Variants in CEP57 observed in about 807,000 individuals in gnomAD.
CEP57 encodes centrosomal protein of 57 kDa.
CEP57 carries 40 observed loss-of-function variants against 68.0 expected under a neutral mutation model. The ratio of observed to expected loss-of-function variants is 0.59; its 90% CI spans 0.46 to 0.77. The LOEUF (loss-of-function observed/expected upper bound fraction) is 0.77. CEP57 is among the 30% of genes least tolerant of loss of function. The pLI is 0.00. For synonymous variants in CEP57, 219 were observed against 198.7 expected (o/e 1.10, Z -0.86); for missense variants, 606 against 580.7 (o/e 1.04, Z -0.45).
chr11:95,802,017 C>A (rs902826842), intron 2 of CEP57, among the ~76,000 whole-genome samples: 5 of 152,036 alleles, frequency 3.3e-5, no homozygotes, highest in African/African-American at 1.2e-4. Context: ...AAATCACTAT[C>A]CCCTTCTCAC....
rs781248377 is a variant in CEP57, at chr11:95,827,975, G to T, written c.1075G>T (p.Glu359Ter). The part of the protein sequence containing the change: ...TPPSSNGINE[E>*]LSEVLQTLQD... ...TCCCTCCTCCAACGGTATTAATGAG[G>T]AGTTGTCAGAAGTCTTACAGACTTT... The change falls in exon 9 of 11, where the codon GAG becomes TAG. Residue 359 changes from glutamate to a stop codon, truncating the protein, a stop_gained. Coordinates refer to ENST00000325542, the MANE Select transcript of CEP57 (RefSeq NM_014679.5). LOFTEE classifies it high-confidence loss of function. 5.0e-6 allele frequency: 8 copies of T among 1,613,874 alleles called. No homozygotes were observed. The highest frequency in any genetic ancestry group is 1.1e-5 in the South Asian group (1 of 91,070).
At chr11:95,817,259 G>A (rs1299900559) in intron 4 of CEP57, among the ~76,000 whole-genome samples, 1 of 151,560 alleles carries the variant, frequency 6.6e-6, no homozygotes, top group Non-Finnish European at 1.5e-5. Flanking sequence ...CCCAGCTACT[G>A]GGGAGGCTGA....
At chr11:95,813,376 T>G in intron 3 of CEP57, 92 bp from the exon 4 acceptor site, 5 of 1,479,056 alleles carry the variant, frequency 3.4e-6, no homozygotes, top group Non-Finnish European at 4.6e-6. Flanking sequence ...GTGTTTTTAT[T>G]GTATACACAA....
chr11:95,818,088 T>C, intron 5 of CEP57, 185 bp downstream of exon 5: 2 of 497,720 alleles, frequency 4.0e-6, no homozygotes, highest in Non-Finnish European at 3.6e-6. Context: ...TTGGTGGGCA[T>C]TTTTTTTTAT....
At chr11:95,807,301 A>T (rs780652287) in intron 2 of CEP57, among the ~76,000 whole-genome samples, 6 of 152,118 alleles carry the variant, frequency 3.9e-5, no homozygotes, top group Non-Finnish European at 7.4e-5. Context: ...AAATCAGAGC[A>T]CCTCTTCTCC....
At chr11:95,817,999 G>T (rs1361013558) in intron 5 of CEP57, 96 bp downstream of exon 5, 1 of 774,050 alleles carries the variant, frequency 1.3e-6, no homozygotes, top group Admixed American at 1.9e-5. Context: ...AGCATTAAAA[G>T]TGATCTTATA....
intron 4 of CEP57, among the ~76,000 whole-genome samples, chr11:95,817,041 A>G (rs1318090243): frequency 6.6e-6 from 1 of 151,842 alleles, no homozygotes; most frequent in Admixed American, 6.6e-5. Flanking sequence ...ATAGGAGGCA[A>G]TCTTTATAAA....
chr11:95,816,177 T>C (rs1862290408), intron 4 of CEP57, among the ~76,000 whole-genome samples: 1 of 152,108 alleles, frequency 6.6e-6, no homozygotes, highest in African/African-American at 2.4e-5. Flanking sequence ...AGGGGAAGCA[T>C]ACATATTCTT....
At chr11:95,803,042 G>C (rs1293332999) in intron 2 of CEP57, among the ~76,000 whole-genome samples, 1 of 152,180 alleles carries the variant, frequency 6.6e-6, no homozygotes, top group Non-Finnish European at 1.5e-5. Context: ...CTATATGTTT[G>C]AGGGACTGAG....
chr11:95,794,323 C>G, intron 1 of CEP57: 2 of 455,912 alleles, frequency 4.4e-6, no homozygotes, highest in South Asian at 1.5e-5. Flanking sequence ...GAAAATCGTT[C>G]AGCAAATATA....
intron 1 of CEP57, among the ~76,000 whole-genome samples, chr11:95,794,709 T>G (rs947626517): frequency 6.6e-6 from 1 of 152,192 alleles, no homozygotes; most frequent in African/African-American, 2.4e-5. Flanking sequence ...AATGTAAAAT[T>G]TGTTAGTCTT....
chr11:95,792,264 C>A (rs1004204901), intron 1 of CEP57, among the ~76,000 whole-genome samples: 1 of 152,162 alleles, frequency 6.6e-6, no homozygotes, highest in African/African-American at 2.4e-5. Flanking sequence ...TGTGATTAAA[C>A]TTGGGAGAAG....
intron 2 of CEP57, among the ~76,000 whole-genome samples, chr11:95,811,594 AC>A (rs202054092): frequency 7.9e-5 from 12 of 151,476 alleles, no homozygotes; most frequent in Non-Finnish European, 1.3e-4. Flanking sequence ...AAAAAAAAAA[AC>A]GTGATGGGAA....
At chr11:95,822,658 A>C in intron 8 of CEP57, 82 bp downstream of exon 8, 1 of 825,788 alleles carries the variant, frequency 1.2e-6, no homozygotes, top group South Asian at 1.4e-5. Context: ...ATGTCTACAA[A>C]TGGAAGGAAC....
intron 8 of CEP57, among the ~76,000 whole-genome samples, chr11:95,824,733 A>C (rs1291469736): frequency 6.6e-6 from 1 of 152,224 alleles, no homozygotes; most frequent in African/African-American, 2.4e-5. Context: ...CCAGGATTTA[A>C]GGAAAGAGGA....
chr11:95,798,660 T>A (rs1450257242), intron 1 of CEP57, among the ~76,000 whole-genome samples: 1 of 152,218 alleles, frequency 6.6e-6, no homozygotes, highest in Non-Finnish European at 1.5e-5. Flanking sequence ...TTTAACAGAA[T>A]CTCATTCATG....
chr11:95,804,477 A>G (rs1196048800), intron 2 of CEP57, among the ~76,000 whole-genome samples: 1 of 152,192 alleles, frequency 6.6e-6, no homozygotes, highest in Non-Finnish European at 1.5e-5. Context: ...GTGGGTAGCG[A>G]CTGGAGAACA....
At chr11:95,823,042 C>T (rs1408304110) in intron 8 of CEP57, 2 of 196,572 alleles carry the variant, frequency 1.0e-5, no homozygotes, top group Non-Finnish European at 2.1e-5. Context: ...TCAGTTTCTT[C>T]AGCACTTGAA....
intron 1 of CEP57, chr11:95,795,694 A>T: frequency 2.3e-6 from 1 of 428,046 alleles, no homozygotes; most frequent in Non-Finnish European, 4.1e-6. Context: ...TAATGGCTGG[A>T]TGTTGAATTT....
Sources: allele counts gnomAD v4.1 joint callset (sites outside exome capture counted in the v4.1 genomes callset), GRCh38; gene constraint gnomAD v4.1.1; transcripts MANE v1.5; gene names NCBI Gene and HGNC (gene_info 2026-07-23, HGNC 2026-07-21).